AFF2: variants seen among roughly 807,000 people sequenced by gnomAD.
The protein encoded by AFF2 is ALF transcription elongation factor 2.
Under a neutral mutation model 76.9 loss-of-function variants are expected in AFF2, and 14 were observed. That is an observed-to-expected ratio of 0.18 (90% CI 0.12 to 0.28). AFF2 has a LOEUF of 0.28. Ranked by LOEUF, AFF2 falls within the 10% of genes least tolerant of loss-of-function variation. The pLI, the probability that AFF2 is intolerant of heterozygous loss-of-function variation, is 1.00. For missense variants in AFF2, 868 were observed against 1,001.1 expected, an observed-to-expected ratio of 0.87 and a Z score of 1.79; for synonymous variants, 398 against 366.7, an observed-to-expected ratio of 1.09 and a Z score of -0.98.
At chrX:148,950,262 A>C (rs1557286473) in intron 9 of AFF2, among the ~76,000 whole-genome samples, 1 of 112,235 alleles carries the variant, frequency 8.9e-6, no homozygotes, top group Non-Finnish European at 1.9e-5. Context: ...AATGAGGCCC[A>C]GACTCAGATG....
Position 148,955,583 on chromosome X carries a change from T to A in AFF2, c.1558-20T>A. On this transcript the variant is annotated intron_variant, in intron 10 of 20. Coordinates refer to ENST00000370460, the MANE Select transcript of AFF2 (RefSeq NM_002025.4). Reference sequence around the variant, plus strand: ...TCCCAAGTGTAAAAATCATTCTTGCTGCTGTTTCTCAATCTGCAGCCTGAG... The same window carrying A: ...TCCCAAGTGTAAAAATCATTCTTGCAGCTGTTTCTCAATCTGCAGCCTGAG... The A allele has an allele frequency of 8.4e-7, 1 of 1,187,175 alleles. No homozygotes were observed. The highest frequency in any genetic ancestry group is 1.1e-6 in the Non-Finnish European group (1 of 884,460).
At chrX:148,647,600 A>G (rs2054156752) in intron 1 of AFF2, among the ~76,000 whole-genome samples, 1 of 111,465 alleles carries the variant, frequency 9.0e-6, no homozygotes, top group African/African-American at 3.3e-5. Flanking sequence ...GCCAATTTCT[A>G]ATAAAATGCA....
intron 3 of AFF2, among the ~76,000 whole-genome samples, chrX:148,798,183 A>G (rs185668809): frequency 9.4e-4 from 105 of 111,644 alleles, no homozygotes; most frequent in Non-Finnish European, 1.2e-3. Flanking sequence ...AGTGAGAGAG[A>G]CAGAGAGAGA....
chrX:148,774,547 A>G (rs868950740), intron 3 of AFF2, among the ~76,000 whole-genome samples: 1 of 110,727 alleles, frequency 9.0e-6, no homozygotes, highest in African/African-American at 3.3e-5. Context: ...TCTCTTATTT[A>G]TCAGCCTCTC....
chrX:148,600,972 G>A (rs1428957263), intron 1 of AFF2, among the ~76,000 whole-genome samples: 1 of 113,002 alleles, frequency 8.8e-6, no homozygotes, highest in Non-Finnish European at 1.9e-5. Flanking sequence ...GGCAAGAAGA[G>A]AGTAATTAAG....
chrX:148,769,035 G>T (rs185872218), intron 3 of AFF2, among the ~76,000 whole-genome samples: 19 of 112,038 alleles, frequency 1.7e-4, no homozygotes, highest in African/African-American at 5.8e-4. Flanking sequence ...ACTTTGAAGG[G>T]ACAAGGAGCT....
intron 1 of AFF2, among the ~76,000 whole-genome samples, chrX:148,548,224 T>TAGAG (rs2052947906): frequency 8.9e-6 from 1 of 111,793 alleles, no homozygotes; most frequent in Admixed American, 9.5e-5. Flanking sequence ...CTATGGCCCT[T>TAGAG]GGACAATACC....
intron 9 of AFF2, among the ~76,000 whole-genome samples, chrX:148,915,168 T>C (rs1728342228): frequency 2.7e-5 from 3 of 112,414 alleles, no homozygotes; most frequent in African/African-American, 6.5e-5. Flanking sequence ...AGAGCCACCA[T>C]TGAAAAAGAA....
At chrX:148,798,494 T>C (rs190127855) in intron 3 of AFF2, among the ~76,000 whole-genome samples, 5 of 112,514 alleles carry the variant, frequency 4.4e-5, no homozygotes, top group Non-Finnish European at 9.4e-5. Context: ...TGGGATTATT[T>C]CCTTTACATG....
chrX:149,000,225 A>G lies in AFF2; in HGVS notation c.*8893A>G, dbSNP rs782640912. On this transcript the variant is annotated 3_prime_UTR_variant, in exon 21 of 21. Coordinates refer to ENST00000370460, the MANE Select transcript of AFF2 (RefSeq NM_002025.4). Reference sequence around the variant, plus strand: ...CTGAACCACCTTTTCTTGGGTGCAGATTTCCAACATTCATGCTCATTGCAG... The same window carrying G: ...CTGAACCACCTTTTCTTGGGTGCAGGTTTCCAACATTCATGCTCATTGCAG... 2.8e-4 allele frequency: 31 copies of G among 112,464 alleles called. No individual in the cohort carries two copies. Among genetic ancestry groups the G allele is most frequent in the African/African-American group, 9.4e-4 (29 of 30,976 alleles). 9.3% of individuals were successfully genotyped at this position (112,464 alleles called of 1,213,427 possible). A position where few individuals can be genotyped will look rare whatever the true frequency, so the allele number is the denominator to read the frequency against.
intron 3 of AFF2, among the ~76,000 whole-genome samples, chrX:148,765,676 CTT>C (rs1357400280): frequency 1.9e-5 from 2 of 107,758 alleles, no homozygotes; most frequent in Non-Finnish European, 3.8e-5. Flanking sequence ...CTAAGAAAGT[CTT>C]TATTTATTTA....
intron 7 of AFF2, among the ~76,000 whole-genome samples, chrX:148,858,847 A>T (rs1239761627): frequency 9.1e-6 from 1 of 110,100 alleles, no homozygotes; most frequent in Non-Finnish European, 1.9e-5. Flanking sequence ...AAATTAATTT[A>T]TAATGCAATT....
At chrX:148,707,314 A>T (rs2054897333) in intron 3 of AFF2, among the ~76,000 whole-genome samples, 1 of 110,900 alleles carries the variant, frequency 9.0e-6, no homozygotes. Context: ...ATTCAGTTTT[A>T]TCTATTCGTT....
At chrX:148,806,824 G>C (rs1273051514) in intron 3 of AFF2, among the ~76,000 whole-genome samples, 3 of 112,026 alleles carry the variant, frequency 2.7e-5, no homozygotes, top group African/African-American at 9.7e-5. Context: ...CGAGTGATTT[G>C]TATTACCAAC....
At chrX:148,645,189 G>A (rs1557255204) in intron 1 of AFF2, among the ~76,000 whole-genome samples, 1 of 111,475 alleles carries the variant, frequency 9.0e-6, no homozygotes, top group Admixed American at 9.6e-5. Context: ...AGAGTAAAGA[G>A]GACCCAAAAG....
chrX:148,773,717 A>AGAAAGAAAGAAAGAAAGAAAGAAG (rs1557268298), intron 3 of AFF2, among the ~76,000 whole-genome samples: 33 of 100,738 alleles, frequency 3.3e-4, no homozygotes, highest in Non-Finnish European at 3.9e-4. Context: ...AAAGAAAGAA[A>AGAAAGAAAGAAAGAAAGAAAGAAG]GAAAGAAAGA....
At position 148,761,658 on chromosome X, in the gene AFF2, C is replaced by T. The variant is rs782726069; in HGVS notation, c.1042-48218C>T. On this transcript the variant is annotated intron_variant, in intron 3 of 20. Coordinates refer to ENST00000370460, the MANE Select transcript of AFF2 (RefSeq NM_002025.4). ...TCTATGTCAGGCATGATATCAGGTG[C>T]TGGTACTACAGCAGTGAACACAACA... 2.7e-5 allele frequency among the ~76,000 whole-genome samples: 3 copies of T among 110,372 alleles called. No individual in the cohort carries two copies. In the South Asian group the frequency reaches 1.2e-3, roughly 42 times the overall value.
At chrX:148,769,160 A>G (rs1482762783) in intron 3 of AFF2, among the ~76,000 whole-genome samples, 1 of 111,684 alleles carries the variant, frequency 9.0e-6, no homozygotes, top group Non-Finnish European at 1.9e-5. Context: ...AACTTGGTAG[A>G]TGAAAAATGA....
chrX:148,524,117 CTCTCTCTGTGTGTG>C (rs1259025287), intron 1 of AFF2, among the ~76,000 whole-genome samples: 1 of 78,317 alleles, frequency 1.3e-5, no homozygotes, highest in Non-Finnish European at 2.4e-5. Flanking sequence ...CTCTCTCTCT[CTCTCTCTGTGTGTG>C]TGTGTGTGTG....
Sources: gnomAD v4.1 joint callset for allele counts (sites outside exome capture counted in the v4.1 genomes callset) on GRCh38, gnomAD v4.1.1 for gene constraint, MANE v1.5 for transcripts, NCBI Gene and HGNC (gene_info 2026-07-23, HGNC 2026-07-21) for gene names.